Variants in VPS13B observed in about 807,000 individuals in gnomAD.
VPS13B encodes the protein intermembrane lipid transfer protein VPS13B.
A neutral mutation model predicts 426.4 loss-of-function variants in VPS13B; 285 were observed. The ratio of observed to expected loss-of-function variants is 0.67; its 90% CI spans 0.61 to 0.74. VPS13B has a LOEUF of 0.74. VPS13B is among the 30% of genes least tolerant of loss of function. VPS13B has a pLI of 0.00. For missense variants in VPS13B, 4,537 were observed against 4,782.6 expected, an observed-to-expected ratio of 0.95 and a Z score of 1.51; for synonymous variants, 1,676 against 1,676.4, an observed-to-expected ratio of 1.00 and a Z score of 0.01.
intron 55 of VPS13B, among the ~76,000 whole-genome samples, chr8:99,853,039 G>A (rs1334016840): frequency 6.6e-6 from 1 of 152,082 alleles, no homozygotes; most frequent in Non-Finnish European, 1.5e-5. Flanking sequence ...CACGGTTGAT[G>A]GGCAGTTGTG....
intron 19 of VPS13B, among the ~76,000 whole-genome samples, chr8:99,375,848 GT>G (rs1472315222): frequency 6.6e-6 from 1 of 151,970 alleles, no homozygotes; most frequent in Non-Finnish European, 1.5e-5. Context: ...ATATGTTTGT[GT>G]TTTTTTGTCT....
At chr8:99,634,811 A>G (rs1829005530) in intron 33 of VPS13B, among the ~76,000 whole-genome samples, 1 of 151,928 alleles carries the variant, frequency 6.6e-6, no homozygotes, top group Admixed American at 6.6e-5. Flanking sequence ...TTTTTGTTTA[A>G]TGTGCTTGCT....
intron 54 of VPS13B, among the ~76,000 whole-genome samples, chr8:99,836,975 T>G (rs1450083709): frequency 1.3e-5 from 2 of 152,236 alleles, no homozygotes; most frequent in East Asian, 3.8e-4. Context: ...TTTGCCAGAC[T>G]GCAAAGCCGG....
At position 99,300,224 on chromosome 8, in the gene VPS13B, CATCT is replaced by C. The variant is rs377101373; in HGVS notation, c.2824+24973_2824+24976del. Among the ~76,000 whole-genome samples, 268 of 152,234 alleles carry C rather than the reference CATCT, an allele frequency of 1.8e-3. 1 individual carries two copies. The highest frequency in any genetic ancestry group is 6.3e-3 in the African/African-American group (263 of 41,534). On this transcript the variant is annotated intron_variant, in intron 19 of 61. Coordinates refer to ENST00000357162, the MANE Select transcript of VPS13B (RefSeq NM_152564.5). ...TTTCATATGTCCTCATTTGGGAAGC[CATCT>C]ATTGTCTGCAATCCCCAAATACCAC...
intron 23 of VPS13B, among the ~76,000 whole-genome samples, chr8:99,457,480 G>A (rs1238970167): frequency 6.6e-6 from 1 of 152,004 alleles, no homozygotes; most frequent in Admixed American, 6.6e-5. Flanking sequence ...TGGTAATTGT[G>A]ACTTATCCCT....
At chr8:99,670,036 T>A (rs1830643591) in intron 35 of VPS13B, among the ~76,000 whole-genome samples, 2 of 152,108 alleles carry the variant, frequency 1.3e-5, no homozygotes, top group Admixed American at 1.3e-4. Flanking sequence ...GGTTTGTTTA[T>A]ATGAATATAA....
chr8:99,818,657 C>T, intron 46 of VPS13B, 56 bp from the exon 47 acceptor site: 1 of 1,607,696 alleles, frequency 6.2e-7, no homozygotes, highest in Non-Finnish European at 8.5e-7. Flanking sequence ...CATCAAACAG[C>T]TGGAATACTG....
chr8:99,600,446 G>A (rs757126858), intron 33 of VPS13B, among the ~76,000 whole-genome samples: 2 of 152,048 alleles, frequency 1.3e-5, no homozygotes, highest in Non-Finnish European at 2.9e-5. Context: ...GCAAAAATGA[G>A]GCTTTACAAG....
Position 99,641,855 on chromosome 8 carries a change from C to T in VPS13B, c.5265C>T (p.Gly1755=). 1 of 1,613,728 alleles carries T rather than the reference C, an allele frequency of 6.2e-7. No homozygotes were observed. Among genetic ancestry groups the T allele is most frequent in the Non-Finnish European group, 8.5e-7 (1 of 1,179,802 alleles). Residue 1755 remains glycine (G), a synonymous_variant, in exon 34 of 62, where the codon GGC becomes GGT. Coordinates refer to ENST00000357162, the MANE Select transcript of VPS13B (RefSeq NM_152564.5). ...AAAAAGTGGATATATTTGATGGAGG[C>T]ATGGCTGAAACCTCATCTCGCTACA... ...EQKKVDIFDG[G]MAETSSRYSG... is the part of the protein sequence containing the mutation.
intron 3 of VPS13B, among the ~76,000 whole-genome samples, chr8:99,056,398 C>G (rs1253821337): frequency 6.6e-6 from 1 of 152,074 alleles, no homozygotes; most frequent in Non-Finnish European, 1.5e-5. Context: ...TTGCCAGATT[C>G]GTTTGTTAGC....
intron 14 of VPS13B, among the ~76,000 whole-genome samples, chr8:99,150,849 C>T (rs949203628): frequency 7.2e-5 from 11 of 152,174 alleles, no homozygotes; most frequent in African/African-American, 1.9e-4. Flanking sequence ...TATACATCCA[C>T]GTGCACGTTT....
chr8:99,208,842 A>G (rs1264857257), intron 17 of VPS13B, among the ~76,000 whole-genome samples: 1 of 152,222 alleles, frequency 6.6e-6, no homozygotes, highest in Non-Finnish European at 1.5e-5. Context: ...AATCTCTTGT[A>G]CATTCTTTGA....
chr8:99,875,039 T>C (rs954366395), intron 61 of VPS13B: 3 of 313,912 alleles, frequency 9.6e-6, no homozygotes, highest in African/African-American at 4.4e-5. Flanking sequence ...GAGTTTAATG[T>C]TGAATAGATG....
intron 17 of VPS13B, among the ~76,000 whole-genome samples, chr8:99,267,956 C>A (rs1384240706): frequency 6.6e-6 from 1 of 152,052 alleles, no homozygotes; most frequent in Non-Finnish European, 1.5e-5. Context: ...AGCTCCCTTG[C>A]TGTGTGCAGC....
chr8:99,348,578 A>G (rs1811674700), intron 19 of VPS13B, among the ~76,000 whole-genome samples: 1 of 152,226 alleles, frequency 6.6e-6, no homozygotes, highest in Admixed American at 6.5e-5. Flanking sequence ...TATCTATTCT[A>G]AAAGTCAAAT....
chr8:99,832,787 C>T, intron 52 of VPS13B, 135 bp downstream of exon 52: 1 of 878,782 alleles, frequency 1.1e-6, no homozygotes, highest in South Asian at 1.7e-5. Flanking sequence ...TACTTCTAGA[C>T]ATTGTATACA....
At chr8:99,402,246 G>A (rs1341724694) in intron 21 of VPS13B, among the ~76,000 whole-genome samples, 1 of 152,158 alleles carries the variant, frequency 6.6e-6, no homozygotes, top group Admixed American at 6.5e-5. Flanking sequence ...CTAGGATTCA[G>A]TGTGATTTGT....
Position 99,784,357 on chromosome 8 carries a change from G to A in VPS13B, c.7822G>A (p.Val2608Met), listed in dbSNP as rs756565037. 1 of 1,613,708 alleles carries A rather than the reference G, an allele frequency of 6.2e-7. No homozygotes were observed. The highest frequency in any genetic ancestry group is 8.5e-7 in the Non-Finnish European group (1 of 1,179,696). ...EVEELVFSHF[V>M]ICNDTQETLR... ...AGAGGAGTTGGTCTTCAGCCATTTTGTGATCTGTAATGACACACAGGAGAC... is the reference window on the plus strand; with the variant it reads ...AGAGGAGTTGGTCTTCAGCCATTTTATGATCTGTAATGACACACAGGAGAC... The change falls in exon 43 of 62, where the codon GTG (valine) becomes ATG (methionine). Residue 2608 changes from valine (V) to methionine (M), a missense_variant. Transcript: ENST00000357162.
Position 99,656,894 on chromosome 8 carries a change from C to T in VPS13B, c.5909-4460C>T, listed in dbSNP as rs1830038331. Among the ~76,000 whole-genome samples the T allele has an allele frequency of 5.9e-5, 9 of 152,180 alleles. No individual in the cohort carries two copies. In the South Asian group the frequency reaches 1.9e-3, roughly 31 times the overall value. On this transcript the variant is annotated intron_variant, in intron 34 of 61. Transcript: ENST00000357162. ...CTGGGAAAAGGGCCACCAGCCCTATCCTGCATTCAATTTTCATTAACCATG... is the reference window on the plus strand; with the variant it reads ...CTGGGAAAAGGGCCACCAGCCCTATTCTGCATTCAATTTTCATTAACCATG...
Sources: gnomAD v4.1 joint callset for allele counts (sites outside exome capture counted in the v4.1 genomes callset) on GRCh38, gnomAD v4.1.1 for gene constraint, MANE v1.5 for transcripts, NCBI Gene and HGNC (gene_info 2026-07-23, HGNC 2026-07-21) for gene names.